ZNF362: variants seen among roughly 807,000 people sequenced by gnomAD.
The protein encoded by ZNF362 is rotund homolog.
In ZNF362, 11 loss-of-function variants were observed where a neutral mutation model predicts 42.9. That is an observed-to-expected ratio of 0.26 (90% CI 0.16 to 0.42). ZNF362 has a LOEUF of 0.42. ZNF362 is among the 20% of genes least tolerant of loss of function. ZNF362 has a pLI of 1.00. For synonymous variants in ZNF362, 255 were observed against 257.3 expected (o/e 0.99, Z 0.09); for missense variants, 362 against 576.2 (o/e 0.63, Z 3.81).
chr1:33,189,657 ATATATATATATATATG>A, the ZNF362 span, among the ~76,000 whole-genome samples: 1 of 102,004 alleles, frequency 9.8e-6, no homozygotes, highest in African/African-American at 4.1e-5. Context: ...ATATATATAT[ATATATATATATATATG>A]TATATATATA....
At chr1:33,194,672 G>A in the ZNF362 span, 1 of 151,922 alleles carries the variant, frequency 6.6e-6, no homozygotes, top group Non-Finnish European at 1.5e-5. Flanking sequence ...TCTATAAAAT[G>A]GAGATATACT....
chr1:33,213,402 A>G, the ZNF362 span, among the ~76,000 whole-genome samples: 17 of 152,208 alleles, frequency 1.1e-4, no homozygotes, highest in African/African-American at 4.1e-4. Flanking sequence ...TTGTTTGTCA[A>G]TTGTATTTCA....
chr1:33,187,720 A>G, the ZNF362 span, among the ~76,000 whole-genome samples: 65 of 152,298 alleles, frequency 4.3e-4, no homozygotes, highest in African/African-American at 1.5e-3. Flanking sequence ...TAAAACCACA[A>G]TTATGTCCTC....
intron 6 of ZNF362, among the ~76,000 whole-genome samples, chr1:33,291,201 TAACA>T (rs999123047): frequency 6.6e-6 from 1 of 152,200 alleles, no homozygotes; most frequent in Non-Finnish European, 1.5e-5. Flanking sequence ...GTTTTAGGTC[TAACA>T]TTTAAGTCTT....
the ZNF362 span, among the ~76,000 whole-genome samples, chr1:33,161,748 G>A: frequency 2.0e-5 from 3 of 152,230 alleles, no homozygotes; most frequent in African/African-American, 4.8e-5. This position sits in a 1 kb window ranked among gnomAD's most constrained non-coding sequence, Gnocchi z 4.3. Flanking sequence ...CTCCACAGGC[G>A]CCCAGACTCC....
chr1:33,240,577 A>T, the ZNF362 span, among the ~76,000 whole-genome samples: 1 of 152,228 alleles, frequency 6.6e-6, no homozygotes, highest in Non-Finnish European at 1.5e-5. Flanking sequence ...GTGGAAGTTT[A>T]TCTGGAGAAT....
chr1:33,180,981 C>A, the ZNF362 span: 11 of 587,138 alleles, frequency 1.9e-5, no homozygotes, highest in Non-Finnish European at 3.1e-5. Context: ...GGCCCCACCT[C>A]CAGCCCGGCC....
the ZNF362 span, among the ~76,000 whole-genome samples, chr1:33,136,997 C>CAAA: frequency 3.3e-4 from 40 of 119,468 alleles, no homozygotes; most frequent in East Asian, 6.4e-3. Context: ...ACTCAGTCTC[C>CAAA]AAAAAAAAAA....
the ZNF362 span, among the ~76,000 whole-genome samples, chr1:33,203,445 C>T: frequency 2.0e-5 from 3 of 152,236 alleles, no homozygotes; most frequent in East Asian, 1.9e-4. Flanking sequence ...GGAGTACAGA[C>T]GTTTCTATGA....
chr1:33,187,159 T>C, the ZNF362 span, among the ~76,000 whole-genome samples: 1 of 152,174 alleles, frequency 6.6e-6, no homozygotes, highest in Non-Finnish European at 1.5e-5. Context: ...ACACCATGTT[T>C]GAGTGTTGAG....
chr1:33,169,985 C>A, the ZNF362 span, among the ~76,000 whole-genome samples: 4 of 152,166 alleles, frequency 2.6e-5, no homozygotes, highest in Non-Finnish European at 5.9e-5. Context: ...CACACTTGTA[C>A]CCTGATGGCA....
chr1:33,181,251 G>A, the ZNF362 span: 16 of 1,548,550 alleles, frequency 1.0e-5, no homozygotes, highest in Non-Finnish European at 1.1e-5. The surrounding 1 kb of genome is among the most constrained non-coding windows in gnomAD (Gnocchi z 6.5). Flanking sequence ...GGGCGCCAGC[G>A]CGGGCTCGGC....
chr1:33,168,742 G>T, the ZNF362 span, among the ~76,000 whole-genome samples: 2 of 152,216 alleles, frequency 1.3e-5, no homozygotes, highest in Non-Finnish European at 2.9e-5. Flanking sequence ...CCGCTCCTCA[G>T]GTGCCTCTGA....
chr1:33,270,345 G>T (rs1453139359), intron 1 of ZNF362, 142 bp from the exon 2 acceptor site: 1 of 485,396 alleles, frequency 2.1e-6, no homozygotes, highest in Admixed American at 3.8e-5. Flanking sequence ...TCTCTGTGCT[G>T]CACGTGCATC....
chr1:33,170,716 C>T, the ZNF362 span, among the ~76,000 whole-genome samples: 6 of 152,278 alleles, frequency 3.9e-5, no homozygotes, highest in African/African-American at 1.2e-4. Context: ...AGCTGTGTCA[C>T]CCCTCCCGCT....
At chr1:33,298,287 C>T (rs1483225492) in intron 8 of ZNF362, among the ~76,000 whole-genome samples, 2 of 152,150 alleles carry the variant, frequency 1.3e-5, no homozygotes, top group Admixed American at 6.5e-5. Flanking sequence ...GAGGTTGAGG[C>T]TGTGGTGAGC....
At position 33,299,049 on chromosome 1, in the gene ZNF362, C is replaced by T; in HGVS notation, c.*3C>T. The T allele has an allele frequency of 1.2e-6, 2 of 1,605,070 alleles. No individual in the cohort carries two copies. Among genetic ancestry groups the T allele is most frequent in the Non-Finnish European group, 1.7e-6 (2 of 1,178,808 alleles). On this transcript the variant is annotated 3_prime_UTR_variant, in exon 9 of 9. Coordinates refer to ENST00000539719, the MANE Select transcript of ZNF362 (RefSeq NM_152493.3). ...CGGTGCGAATCTCTCTCATCTGAGC[C>T]CACTGGAGGCGCCGCCCCACCCGGC... is the stretch of plus-strand genomic sequence containing the variant.
Position 33,276,144 on chromosome 1 carries a change from C to G in ZNF362, c.83C>G (p.Pro28Arg). The G allele has an allele frequency of 6.2e-7, 1 of 1,613,916 alleles. No homozygotes were observed. The highest frequency in any genetic ancestry group is 8.5e-7 in the Non-Finnish European group (1 of 1,180,028). The change falls in exon 3 of 9, where the codon CCT (proline) becomes CGT (arginine). Residue 28 changes from proline (P) to arginine (R), a missense_variant. Physicochemically the swap from Pro to Arg is moderately radical, Grantham distance 103 (BLOSUM62 -2). This residue lies in a region of ZNF362 where 266 missense variants were observed against 365.4 expected (regional missense o/e 0.73). Coordinates refer to ENST00000539719, the MANE Select transcript of ZNF362 (RefSeq NM_152493.3). ...AACAACCCCTACTTCTGGCCCCCTC[C>G]TCCCACCATGCCCAGCCAGGTAAGA... is the stretch of plus-strand genomic sequence containing the variant. ...RFNNPYFWPP[P>R]PTMPSQLDNL...
chr1:33,236,648 G>T, the ZNF362 span, among the ~76,000 whole-genome samples: 1 of 141,544 alleles, frequency 7.1e-6, no homozygotes, highest in East Asian at 2.1e-4. Context: ...GTTTAGTCTA[G>T]TCTAGTGTAG....
Sources: gnomAD v4.1 joint callset for allele counts (sites outside exome capture counted in the v4.1 genomes callset) on GRCh38, gnomAD v4.1.1 for gene constraint, gnomAD v4.1.1 regional missense constraint, Gnocchi (gnomAD v3.1) non-coding constraint, MANE v1.5 for transcripts, NCBI Gene and HGNC (gene_info 2026-07-23, HGNC 2026-07-21) for gene names.